Variants in NPSR1 observed in about 807,000 individuals in gnomAD.
NPSR1 encodes the protein neuropeptide S receptor 1, also known as neuropeptide S receptor.
Under a neutral mutation model 46.9 loss-of-function variants are expected in NPSR1, and 48 were observed. The observed-to-expected ratio is 1.02, with a 90% CI of 0.81 to 1.30. The LOEUF is 1.30. NPSR1 is among the 50% of genes most tolerant of loss of function. The pLI is 0.00. For missense variants in NPSR1, 450 were observed against 449.5 expected (o/e 1.00, Z -0.01); for synonymous variants, 176 against 168.1 (o/e 1.05, Z -0.36).
chr7:34,738,731 T>G (rs949095829), intron 2 of NPSR1, among the ~76,000 whole-genome samples: 1 of 152,240 alleles, frequency 6.6e-6, no homozygotes, highest in Non-Finnish European at 1.5e-5. Flanking sequence ...TAACATCTTT[T>G]TATTTTAATT....
chr7:34,715,329 C>T (rs1320740929), intron 2 of NPSR1, among the ~76,000 whole-genome samples: 4 of 152,196 alleles, frequency 2.6e-5, no homozygotes, highest in East Asian at 1.9e-4. Flanking sequence ...CAAAGAAATG[C>T]TCTTTTTGAC....
rs143448171 is a variant in NPSR1, at chr7:34,849,595, G to A, written c.1056G>A (p.Thr352=). The change falls in exon 9 of 9, where the codon ACG becomes ACA. Residue 352 remains threonine (T), a synonymous_variant. Transcript: ENST00000360581. Reference sequence around the variant, plus strand: ...AAAGATCACAGGATTCCAGAATGACGTTCCGGGAGAGAACTGAGAGGCATG... The same window carrying A: ...AAAGATCACAGGATTCCAGAATGACATTCCGGGAGAGAACTGAGAGGCATG... ...REQRSQDSRM[T]FRERTERHEM... 3.4e-5 allele frequency: 55 copies of A among 1,614,072 alleles called. No homozygotes were observed. Among genetic ancestry groups the A allele is most frequent in the Non-Finnish European group, 4.2e-5 (50 of 1,179,994 alleles).
At chr7:34,866,838 A>C (rs1308623003) in intron 8 of NPSR1, among the ~76,000 whole-genome samples, 1 of 151,840 alleles carries the variant, frequency 6.6e-6, no homozygotes, top group East Asian at 1.9e-4. Flanking sequence ...AGTTTCCTGC[A>C]GCAAAACCCA....
chr7:34,849,132 T>A (rs1227923938), intron 8 of NPSR1, among the ~76,000 whole-genome samples: 6 of 152,264 alleles, frequency 3.9e-5, no homozygotes, highest in African/African-American at 1.4e-4. Flanking sequence ...GTTTTTCAGC[T>A]GTTTTCCTGC....
chr7:34,692,037 G>GAA (rs1793290407), intron 2 of NPSR1, among the ~76,000 whole-genome samples: 1 of 152,096 alleles, frequency 6.6e-6, no homozygotes, highest in Non-Finnish European at 1.5e-5. Context: ...AGGCTGAGCT[G>GAA]GAAGGATTGT....
rs190638758 is a variant in NPSR1, at chr7:34,790,081, C to T, written c.384+11516C>T. The stretch of plus-strand genomic sequence containing the variant: ...CAGACAAGATACTATGAGAAAATTA[C>T]AGGGCAATAACCCTGATGAACATAG... On this transcript the variant is annotated intron_variant, in intron 3 of 8. Transcript: ENST00000360581. Among the ~76,000 whole-genome samples, 612 of 152,154 alleles carry T rather than the reference C, an allele frequency of 4.0e-3. 3 individuals carry two copies. Among genetic ancestry groups the T allele is most frequent in the Non-Finnish European group, 6.9e-3 (469 of 67,958 alleles).
chr7:34,722,587 G>A, intron 2 of NPSR1, among the ~76,000 whole-genome samples: 1 of 152,280 alleles, frequency 6.6e-6, no homozygotes, highest in South Asian at 2.1e-4. Flanking sequence ...AGATTTGTAA[G>A]GGTAGAGACA....
intron 1 of NPSR1, among the ~76,000 whole-genome samples, chr7:34,676,159 T>G (rs1187313899): frequency 6.6e-6 from 1 of 152,180 alleles, no homozygotes; most frequent in African/African-American, 2.4e-5. Flanking sequence ...CAAATGTACA[T>G]ATGTAGTCCA....
At position 34,843,731 on chromosome 7, in the gene NPSR1, C is replaced by T. The variant is rs1790649370; in HGVS notation, c.758-1165C>T. Among the ~76,000 whole-genome samples, 5 of 152,226 alleles carry T rather than the reference C, an allele frequency of 3.3e-5. No homozygotes were observed. The South Asian group carries it at 1.0e-3, about 32-fold the overall frequency. On this transcript the variant is annotated intron_variant, in intron 6 of 8. Transcript: ENST00000360581. ...GAATATTGCAAAGGTAAACATCTGA[C>T]TGGTTTCCATGGGCATTAAAATAAA...
downstream of NPSR1, among the ~76,000 whole-genome samples, chr7:34,850,384 C>T (rs1296370720): frequency 6.7e-6 from 1 of 148,442 alleles, no homozygotes; most frequent in Non-Finnish European, 1.5e-5. Flanking sequence ...CTAGAACACA[C>T]ATGTCCTTGA....
chr7:34,715,416 C>T (rs1159608372), intron 2 of NPSR1, among the ~76,000 whole-genome samples: 1 of 152,196 alleles, frequency 6.6e-6, no homozygotes, highest in Non-Finnish European at 1.5e-5. Context: ...CACCTTGGCA[C>T]CTCTACCAAG....
intron 2 of NPSR1, chr7:34,751,937 CA>C: frequency 7.8e-7 from 1 of 1,288,732 alleles, no homozygotes; most frequent in Non-Finnish European, 1.1e-6. Context: ...GTTCCTGAGG[CA>C]ACTGGAAGTG....
chr7:34,768,606 T>C (rs1040310260), intron 2 of NPSR1, among the ~76,000 whole-genome samples: 16 of 152,174 alleles, frequency 1.1e-4, no homozygotes, highest in Non-Finnish European at 1.5e-5. Flanking sequence ...TATGAGGAAT[T>C]TGAATGTCTA....
In NPSR1 at chr7:34,827,610, G is replaced by A. The variant is rs773625577; in HGVS notation, c.680+8G>A. Reference sequence around the variant, plus strand: ...CCCTCTGACAATCATCAGGTAAGAAGCCGTCAGGACAGGACCACACGGGGG... The same window carrying A: ...CCCTCTGACAATCATCAGGTAAGAAACCGTCAGGACAGGACCACACGGGGG... On this transcript the variant is annotated splice_region_variant and intron_variant, in intron 5 of 8. Transcript: ENST00000360581. The A allele has an allele frequency of 1.8e-6, 2 of 1,120,246 alleles. No individual in the cohort carries two copies. Among genetic ancestry groups the A allele is most frequent in the Admixed American group, 4.0e-5 (2 of 50,170 alleles). The allele number at this position is 1,120,246 out of a possible 1,614,324, so 69.4% of individuals were successfully genotyped here.
intron 6 of NPSR1, among the ~76,000 whole-genome samples, chr7:34,839,903 A>G (rs979984642): frequency 1.3e-5 from 2 of 152,126 alleles, no homozygotes; most frequent in East Asian, 3.9e-4. Context: ...GATCTTAGTC[A>G]CATGACTACA....
At chr7:34,695,256 C>T (rs1242133183) in intron 2 of NPSR1, among the ~76,000 whole-genome samples, 2 of 152,160 alleles carry the variant, frequency 1.3e-5, no homozygotes, top group East Asian at 3.9e-4. Flanking sequence ...GGAAAATTGG[C>T]TAGCCATATG....
rs1562683678 is a variant in NPSR1, at chr7:34,728,583, T to C, written c.280+43899T>C. 2.0e-5 allele frequency among the ~76,000 whole-genome samples: 3 copies of C among 152,362 alleles called. No homozygotes were observed. In the East Asian group the frequency reaches 5.8e-4, roughly 29 times the overall value. ...AGAAAATTCTCCCCCTCCTTTTGTC[T>C]GTTCACCTGAGGTTTTTCAGGAACC... On this transcript the variant is annotated intron_variant, in intron 2 of 8. Transcript: ENST00000360581.
chr7:34,857,222 T>C (rs1791071026), intron 8 of NPSR1, among the ~76,000 whole-genome samples: 1 of 151,714 alleles, frequency 6.6e-6, no homozygotes, highest in South Asian at 2.1e-4. Flanking sequence ...GAAGATTCAG[T>C]AGAATGCCAA....
intron 4 of NPSR1, among the ~76,000 whole-genome samples, chr7:34,815,072 C>T (rs1039077818): frequency 1.2e-4 from 18 of 152,150 alleles, no homozygotes; most frequent in African/African-American, 3.6e-4. Flanking sequence ...ATGACTTTGA[C>T]GAGTTGACAG....
Sources: gnomAD v4.1 joint callset for allele counts (sites outside exome capture counted in the v4.1 genomes callset) on GRCh38, gnomAD v4.1.1 for gene constraint, MANE v1.5 for transcripts, NCBI Gene and HGNC (gene_info 2026-07-23, HGNC 2026-07-21) for gene names.